The following RIMS2 variants were observed in gnomAD, a reference collection of about 807,000 sequenced individuals.
The protein encoded by RIMS2 is regulating synaptic membrane exocytosis 2.
Under a neutral mutation model 174.4 loss-of-function variants are expected in RIMS2, and 59 were observed. That is an observed-to-expected ratio of 0.34 (90% CI 0.27 to 0.42). The LOEUF (loss-of-function observed/expected upper bound fraction) is 0.42. RIMS2 is among the 10% of genes least tolerant of loss of function. The pLI, the probability that RIMS2 is intolerant of heterozygous loss-of-function variation, is 1.00. For synonymous variants in RIMS2, 606 were observed against 572.5 expected (o/e 1.06, Z -0.84); for missense variants, 1,620 against 1,666.3 (o/e 0.97, Z 0.48).
At chr8:103,552,921 G>A (rs1269642675) in intron 1 of RIMS2, among the ~76,000 whole-genome samples, 3 of 152,124 alleles carry the variant, frequency 2.0e-5, no homozygotes, top group Non-Finnish European at 4.4e-5. Flanking sequence ...AGTTAGAATG[G>A]CGATCATTAA....
At chr8:104,071,490 A>G (rs535165820) in intron 19 of RIMS2, among the ~76,000 whole-genome samples, 1 of 152,238 alleles carries the variant, frequency 6.6e-6, no homozygotes, top group East Asian at 1.9e-4. Flanking sequence ...GCTGGAGTGC[A>G]GTGGCACCAT....
At chr8:103,764,910 T>C (rs2098151716) in intron 2 of RIMS2, among the ~76,000 whole-genome samples, 2 of 152,120 alleles carry the variant, frequency 1.3e-5, no homozygotes, top group African/African-American at 4.8e-5. Flanking sequence ...AAGAAATGTA[T>C]ATACAATTCA....
chr8:103,630,790 GA>G (rs1418288950), intron 1 of RIMS2, among the ~76,000 whole-genome samples: 2 of 151,754 alleles, frequency 1.3e-5, no homozygotes, highest in Non-Finnish European at 2.9e-5. Context: ...AAAAGAACAG[GA>G]AAAAAGGAAC....
At chr8:104,014,251 A>G in intron 18 of RIMS2, among the ~76,000 whole-genome samples, 1 of 152,144 alleles carries the variant, frequency 6.6e-6, no homozygotes, top group East Asian at 1.9e-4. Flanking sequence ...ACTAATTTAC[A>G]TTAATAATTC....
intron 19 of RIMS2, among the ~76,000 whole-genome samples, chr8:104,032,043 G>A (rs890797972): frequency 6.6e-6 from 1 of 151,870 alleles, no homozygotes; most frequent in African/African-American, 2.4e-5. Flanking sequence ...AATACAGATG[G>A]TCATCCACTT....
At chr8:104,040,063 T>G (rs1345266514) in intron 19 of RIMS2, among the ~76,000 whole-genome samples, 2 of 151,768 alleles carry the variant, frequency 1.3e-5, no homozygotes, top group East Asian at 1.9e-4. Flanking sequence ...TTTGGTCATC[T>G]TAGCACTAAT....
chr8:103,610,661 G>T (rs560754096), intron 1 of RIMS2, among the ~76,000 whole-genome samples: 13 of 152,262 alleles, frequency 8.5e-5, no homozygotes, highest in African/African-American at 3.1e-4. Flanking sequence ...AGCCAGTCTT[G>T]CATCCCACGG....
At chr8:103,842,792 A>G (rs2098947921) in intron 3 of RIMS2, among the ~76,000 whole-genome samples, 1 of 152,244 alleles carries the variant, frequency 6.6e-6, no homozygotes, top group Non-Finnish European at 1.5e-5. Flanking sequence ...GGCTGCCACA[A>G]CAAAGTGTAC....
rs764943975 is a variant in RIMS2 at position 103,760,218 on chromosome 8, G to A, written c.388-6009G>A. On this transcript the variant is annotated intron_variant, in intron 2 of 23. Coordinates refer to ENST00000504942, the Ensembl canonical transcript of RIMS2. ...GAGGATGTGCTGTTGCCTCCCAAGA[G>A]ATTTAATGAAGACCCATCAGACATT... Among the ~76,000 whole-genome samples the A allele has an allele frequency of 1.3e-5, 2 of 152,202 alleles. 1 individual carries two copies. Among genetic ancestry groups the A allele is most frequent in the Non-Finnish European group, 2.9e-5 (2 of 68,044 alleles).
chr8:103,986,540 AT>A (rs2094374492), intron 16 of RIMS2, among the ~76,000 whole-genome samples: 1 of 152,206 alleles, frequency 6.6e-6, no homozygotes, highest in Non-Finnish European at 1.5e-5. Flanking sequence ...GACTTTAAAA[AT>A]AGCAACCATT....
At chr8:103,551,363 A>G (rs1169134880) in intron 1 of RIMS2, among the ~76,000 whole-genome samples, 1 of 152,234 alleles carries the variant, frequency 6.6e-6, no homozygotes, top group African/African-American at 2.4e-5. Context: ...TGATTATTTC[A>G]ATAGATGCAG....
intron 19 of RIMS2, among the ~76,000 whole-genome samples, chr8:104,226,028 T>C (rs1422156914): frequency 6.6e-6 from 1 of 152,200 alleles, no homozygotes; most frequent in African/African-American, 2.4e-5. Flanking sequence ...GCTTCTCTAC[T>C]TCCTTTTTTT....
intron 15 of RIMS2, among the ~76,000 whole-genome samples, chr8:103,962,673 G>C (rs1305282224): frequency 6.6e-6 from 1 of 152,014 alleles, no homozygotes; most frequent in African/African-American, 2.4e-5. Flanking sequence ...GCCCAGGCTG[G>C]AGTGCAGTAG....
intron 2 of RIMS2, among the ~76,000 whole-genome samples, chr8:103,741,442 T>G: frequency 6.6e-6 from 1 of 152,256 alleles, no homozygotes; most frequent in East Asian, 1.9e-4. Context: ...CAAATTATTT[T>G]TAATTATATA....
chr8:103,873,708 C>A (rs1390729916), intron 3 of RIMS2, among the ~76,000 whole-genome samples: 7 of 151,992 alleles, frequency 4.6e-5, no homozygotes, highest in Admixed American at 4.6e-4. Flanking sequence ...AGATTTTCAT[C>A]TCATTAAGTG....
At chr8:103,704,307 C>T (rs1214981747) in intron 2 of RIMS2, among the ~76,000 whole-genome samples, 1 of 151,360 alleles carries the variant, frequency 6.6e-6, no homozygotes. Flanking sequence ...CTTTGCATTC[C>T]TGGGATGATT....
chr8:103,897,215 A>G (rs1038812908), intron 4 of RIMS2, among the ~76,000 whole-genome samples: 1 of 151,594 alleles, frequency 6.6e-6, no homozygotes, highest in African/African-American at 2.4e-5. Flanking sequence ...ACTTCATGGC[A>G]CCTTCTTTTT....
chr8:103,792,163 C>G (rs1296286947), intron 3 of RIMS2, among the ~76,000 whole-genome samples: 1 of 151,902 alleles, frequency 6.6e-6, no homozygotes, highest in Non-Finnish European at 1.5e-5. Flanking sequence ...CTGACCACAT[C>G]GTTGGAAGTA....
At chr8:103,939,694 C>T (rs915253208) in intron 13 of RIMS2, among the ~76,000 whole-genome samples, 1 of 152,162 alleles carries the variant, frequency 6.6e-6, no homozygotes, top group African/African-American at 2.4e-5. Flanking sequence ...AACTTTTATG[C>T]TCTGCTTCCC....
Sources: allele counts gnomAD v4.1 joint callset (sites outside exome capture counted in the v4.1 genomes callset), GRCh38; gene constraint gnomAD v4.1.1; transcripts MANE v1.5; gene names NCBI Gene and HGNC (gene_info 2026-07-23, HGNC 2026-07-21).